The following SLC25A24 variants were observed in gnomAD, a reference collection of about 807,000 sequenced individuals.
SLC25A24 encodes solute carrier family 25 member 24, also known as mitochondrial adenyl nucleotide antiporter SLC25A24.
In SLC25A24, 49 loss-of-function variants were observed where a neutral mutation model predicts 60.7. That is an observed-to-expected ratio of 0.81 (90% CI 0.64 to 1.02). SLC25A24 has a LOEUF of 1.02. Ranked by LOEUF, SLC25A24 falls within the 50% of genes least tolerant of loss-of-function variation. The pLI is 0.00. For synonymous variants in SLC25A24, 202 were observed against 200.6 expected (o/e 1.01, Z -0.06); for missense variants, 564 against 586.3 (o/e 0.96, Z 0.39).
intron 8 of SLC25A24, among the ~76,000 whole-genome samples, chr1:108,141,016 T>C (rs1429590856): frequency 2.6e-5 from 4 of 152,088 alleles, no homozygotes; most frequent in Non-Finnish European, 4.4e-5. Flanking sequence ...GAATAACACA[T>C]ACAGAATCAA....
intron 6 of SLC25A24, among the ~76,000 whole-genome samples, chr1:108,149,578 A>C (rs1679701850): frequency 6.6e-6 from 1 of 152,220 alleles, no homozygotes; most frequent in Non-Finnish European, 1.5e-5. Flanking sequence ...CACTATCTTT[A>C]CACAACTTGC....
At chr1:108,178,023 C>T (rs551600272) in intron 3 of SLC25A24, among the ~76,000 whole-genome samples, 9 of 152,010 alleles carry the variant, frequency 5.9e-5, no homozygotes, top group African/African-American at 9.6e-5. Context: ...ATTAGCTGGG[C>T]GTGGTGGCAT....
intron 1 of SLC25A24, among the ~76,000 whole-genome samples, chr1:108,196,781 CTAAT>C (rs1648508786): frequency 6.6e-6 from 1 of 151,780 alleles, no homozygotes; most frequent in Non-Finnish European, 1.5e-5. Flanking sequence ...TATACAAGCA[CTAAT>C]CCCATTCATG....
chr1:108,182,955 G>C (rs1420468472), intron 2 of SLC25A24, among the ~76,000 whole-genome samples: 1 of 152,030 alleles, frequency 6.6e-6, no homozygotes, highest in Non-Finnish European at 1.5e-5. Context: ...GACAGAAGGA[G>C]AACAATCAGA....
intron 1 of SLC25A24, among the ~76,000 whole-genome samples, chr1:108,196,994 A>G (rs943262144): frequency 2.0e-5 from 3 of 152,208 alleles, no homozygotes; most frequent in African/African-American, 7.2e-5. Context: ...CCCTTATACT[A>G]CTGAGTCCTA....
At chr1:108,177,277 G>A (rs1647708183) in intron 3 of SLC25A24, among the ~76,000 whole-genome samples, 1 of 151,606 alleles carries the variant, frequency 6.6e-6, no homozygotes, top group Non-Finnish European at 1.5e-5. Context: ...AAAATAAAAA[G>A]CAAGAAATCA....
At chr1:108,163,595 C>T (rs1263776682) in intron 3 of SLC25A24, among the ~76,000 whole-genome samples, 16 of 151,620 alleles carry the variant, frequency 1.1e-4, no homozygotes, top group Admixed American at 9.9e-4. Flanking sequence ...GGCTCTCTGT[C>T]TGTTGCTGGT....
intron 3 of SLC25A24, among the ~76,000 whole-genome samples, chr1:108,175,482 C>G (rs955040469): frequency 2.0e-5 from 3 of 152,056 alleles, no homozygotes; most frequent in African/African-American, 7.2e-5. Context: ...TTTATAGCAG[C>G]ATGAGAATGG....
chr1:108,169,707 A>T (rs892698758), intron 3 of SLC25A24, among the ~76,000 whole-genome samples: 2 of 152,158 alleles, frequency 1.3e-5, no homozygotes, highest in African/African-American at 4.8e-5. Flanking sequence ...CGTTTTGTTT[A>T]TGAGAAAATT....
intron 3 of SLC25A24, among the ~76,000 whole-genome samples, chr1:108,168,105 T>C (rs1647272467): frequency 6.6e-6 from 1 of 152,204 alleles, no homozygotes; most frequent in South Asian, 2.1e-4. Context: ...ATTCTATAAT[T>C]AGTATGAAAA....
Position 108,185,939 on chromosome 1 carries a change from C to T in SLC25A24, c.199G>A (p.Gly67Arg), listed in dbSNP as rs779318679. The T allele has an allele frequency of 2.5e-6, 4 of 1,585,510 alleles. No homozygotes were observed. The highest frequency in any genetic ancestry group is 2.3e-5 in the East Asian group (1 of 44,170). Residue 67 changes from glycine (G) to arginine (R), a missense_variant, in exon 2 of 10, where the codon GGA becomes AGA. Physicochemically the swap from Gly to Arg is moderately radical, Grantham distance 125. Transcript: ENST00000565488. ...AGCTTCCCATCTTTGTTGACATCTC[C>T]AGTAGTAAAAATTTTCTATAAAAAA... is the stretch of plus-strand genomic sequence containing the variant. ...QDAEEKIFTT[G>R]DVNKDGKLDF...
At chr1:108,168,402 G>A (rs1373242046) in intron 3 of SLC25A24, among the ~76,000 whole-genome samples, 1 of 152,028 alleles carries the variant, frequency 6.6e-6, no homozygotes, top group Non-Finnish European at 1.5e-5. Context: ...TCCTCCACAA[G>A]GCAAGGATTT....
chr1:108,169,228 T>C (rs770670463), intron 3 of SLC25A24, among the ~76,000 whole-genome samples: 16 of 152,218 alleles, frequency 1.1e-4, no homozygotes, highest in Non-Finnish European at 2.1e-4. Context: ...CAACCCTTGG[T>C]ATCTGATAGG....
rs201641047 is a variant in SLC25A24, at chr1:108,192,633, C to A, written c.184-6679G>T. 4.0e-5 allele frequency: 60 copies of A among 1,493,674 alleles called. 18 individuals carry two copies. In the East Asian group the frequency reaches 1.7e-3, roughly 42 times the overall value. The allele number at this position is 1,493,674 out of a possible 1,614,324, so 92.5% of individuals were successfully genotyped here. ...TAGAGGGAGTCCATCGAGGATGTCT[C>A]CCTCGCAGCTCCGCGGCCTGAGTGA... On this transcript the variant is annotated intron_variant, in intron 1 of 9. Coordinates refer to ENST00000565488, the MANE Select transcript of SLC25A24 (RefSeq NM_013386.5).
intron 3 of SLC25A24, among the ~76,000 whole-genome samples, chr1:108,163,113 G>A (rs1680136984): frequency 7.8e-6 from 1 of 127,846 alleles, no homozygotes; most frequent in Non-Finnish European, 1.6e-5. Flanking sequence ...GTAGATATGC[G>A]GCGTTATTTC....
chr1:108,160,732 G>A (rs898334493), intron 4 of SLC25A24, among the ~76,000 whole-genome samples: 16 of 152,358 alleles, frequency 1.1e-4, no homozygotes, highest in African/African-American at 2.2e-4. Context: ...TGGATCACTC[G>A]CGGTCAGGAG....
chr1:108,160,616 T>C (rs1223211367), intron 4 of SLC25A24, among the ~76,000 whole-genome samples: 1 of 152,046 alleles, frequency 6.6e-6, no homozygotes, highest in African/African-American at 2.4e-5. Context: ...AGGTGGAGGT[T>C]GTAGCGAGCC....
Position 108,199,943 on chromosome 1 carries a change from G to A in SLC25A24, c.183+13C>T, listed in dbSNP as rs770594294. The A allele has an allele frequency of 3.8e-6, 6 of 1,596,886 alleles. No homozygotes were observed. In the Admixed American group the frequency reaches 5.2e-5, roughly 14 times the overall value. Reference sequence around the variant, plus strand: ...CCTCCCTACGCTCAGGCGGCGCCCCGGCGGCGACCCACCTCCTCGGCGTCC... The same window carrying A: ...CCTCCCTACGCTCAGGCGGCGCCCCAGCGGCGACCCACCTCCTCGGCGTCC... On this transcript the variant is annotated intron_variant, in intron 1 of 9. Transcript: ENST00000565488.
At chr1:108,181,840 T>C in intron 3 of SLC25A24, 101 bp downstream of exon 3, 1 of 798,720 alleles carries the variant, frequency 1.3e-6, no homozygotes, top group South Asian at 1.5e-5. Flanking sequence ...ATATACATAA[T>C]GAAGACTAGG....
Sources: gnomAD v4.1 joint callset for allele counts (sites outside exome capture counted in the v4.1 genomes callset) on GRCh38, gnomAD v4.1.1 for gene constraint, MANE v1.5 for transcripts, NCBI Gene and HGNC (gene_info 2026-07-23, HGNC 2026-07-21) for gene names.